The following EIF4G3 variants were observed in gnomAD, a reference collection of about 807,000 sequenced individuals.
EIF4G3 encodes eIF-4-gamma 3.
EIF4G3 carries 34 observed loss-of-function variants against 186.4 expected under a neutral mutation model. The ratio of observed to expected loss-of-function variants is 0.18; its 90% CI spans 0.14 to 0.24. EIF4G3 has a LOEUF of 0.24. Among genes scored for constraint, EIF4G3 ranks in the 10% least tolerant of loss-of-function variants. The probability of loss-of-function intolerance (pLI) is 1.00; values close to 1 mark genes in which losing one functional copy is unlikely to be tolerated. For missense variants in EIF4G3, 1,536 were observed against 1,948.5 expected (o/e 0.79, Z 3.99); for synonymous variants, 673 against 679.5 (o/e 0.99, Z 0.15).
intron 2 of EIF4G3, among the ~76,000 whole-genome samples, chr1:21,144,998 C>T (rs979066671): frequency 2.6e-5 from 4 of 152,012 alleles, no homozygotes; most frequent in Admixed American, 2.6e-4. Context: ...TGTTTCTTGG[C>T]CAGGCATGGT....
At chr1:20,975,088 T>A (rs1290749640) in intron 10 of EIF4G3, among the ~76,000 whole-genome samples, 1 of 152,056 alleles carries the variant, frequency 6.6e-6, no homozygotes, top group East Asian at 1.9e-4. Context: ...TGAATCAGAT[T>A]TGGAAAAGAT....
At chr1:20,945,483 T>C (rs2095898812) in intron 13 of EIF4G3, among the ~76,000 whole-genome samples, 1 of 152,216 alleles carries the variant, frequency 6.6e-6, no homozygotes, top group Non-Finnish European at 1.5e-5. Flanking sequence ...GTTCTGTTTC[T>C]GAGACACAGT....
chr1:20,893,475 G>T, intron 18 of EIF4G3, 42 bp downstream of exon 18: 1 of 1,549,134 alleles, frequency 6.5e-7, no homozygotes, highest in Non-Finnish European at 8.8e-7. Context: ...TGGAGTCTGT[G>T]CCAGTGTCTA....
intron 2 of EIF4G3, among the ~76,000 whole-genome samples, chr1:21,135,777 C>G (rs1318293970): frequency 1.3e-5 from 2 of 152,064 alleles, no homozygotes; most frequent in African/African-American, 4.8e-5. Context: ...CACCCGGGTC[C>G]CAGACATATA....
At position 20,810,665 on chromosome 1, in the gene EIF4G3, A is replaced by C; in HGVS notation, c.4744+73T>G. On this transcript the variant is annotated intron_variant, in intron 36 of 36. Transcript: ENST00000602326. The surrounding 1 kb of genome is among the most constrained non-coding windows in gnomAD (Gnocchi z 4.1). ...TTTATTGTCCTTTGTTCGAACCCTA[A>C]ATCATCTCTAAGTCCTGGCTTGGAT... 1.3e-6 allele frequency: 2 copies of C among 1,523,910 alleles called. No homozygotes were observed. Among genetic ancestry groups the C allele is most frequent in the Non-Finnish European group, 1.8e-6 (2 of 1,106,042 alleles). 94.4% of individuals were successfully genotyped at this position (1,523,910 alleles called of 1,614,324 possible). A position where few individuals can be genotyped will look rare whatever the true frequency, so the allele number is the denominator to read the frequency against.
At chr1:20,979,087 A>G (rs1340395169) in intron 10 of EIF4G3, among the ~76,000 whole-genome samples, 1 of 152,174 alleles carries the variant, frequency 6.6e-6, no homozygotes, top group Non-Finnish European at 1.5e-5. Flanking sequence ...CTGAATCTCA[A>G]AACTTAATTT....
At chr1:21,140,479 A>C (rs1009287798) in intron 2 of EIF4G3, among the ~76,000 whole-genome samples, 2 of 152,118 alleles carry the variant, frequency 1.3e-5, no homozygotes, top group Admixed American at 6.5e-5. Flanking sequence ...ATGCATGGCT[A>C]ATTTCTGTAT....
At chr1:20,877,992 C>T (rs561301292) in intron 20 of EIF4G3, among the ~76,000 whole-genome samples, 3 of 152,144 alleles carry the variant, frequency 2.0e-5, no homozygotes, top group South Asian at 2.1e-4. Flanking sequence ...TACAGGCGCA[C>T]GCTACCATGC....
chr1:21,035,688 T>C (rs1373408561), intron 4 of EIF4G3, among the ~76,000 whole-genome samples: 3 of 152,256 alleles, frequency 2.0e-5, no homozygotes, highest in African/African-American at 7.2e-5. Context: ...AGTTCAGCGA[T>C]AGCCTGTGGG....
intron 6 of EIF4G3, among the ~76,000 whole-genome samples, chr1:20,998,222 C>CAT (rs1461056515): frequency 2.6e-5 from 1 of 39,018 alleles, no homozygotes; most frequent in Admixed American, 3.5e-4. Flanking sequence ...TACACACACA[C>CAT]ACACACACAC....
intron 11 of EIF4G3, among the ~76,000 whole-genome samples, chr1:20,971,909 A>AG (rs2075968993): frequency 6.6e-6 from 1 of 152,330 alleles, no homozygotes; most frequent in East Asian, 1.9e-4. Context: ...CTGGGGTTAC[A>AG]GGTGTGAGCC....
intron 20 of EIF4G3, among the ~76,000 whole-genome samples, chr1:20,875,944 A>G (rs1013395873): frequency 2.6e-5 from 4 of 152,018 alleles, no homozygotes; most frequent in African/African-American, 9.7e-5. Flanking sequence ...GAAAGAGGCC[A>G]GGCATGGTGG....
In EIF4G3 at chr1:20,886,092, T is replaced by C. The variant is rs371716313; in HGVS notation, c.2424+109A>G. 4.8e-5 allele frequency: 62 copies of C among 1,304,026 alleles called. No homozygotes were observed. In the Middle Eastern group the frequency reaches 2.1e-3, roughly 45 times the overall value. The allele number at this position is 1,304,026 out of a possible 1,614,324, so 80.8% of individuals were successfully genotyped here. On this transcript the variant is annotated intron_variant, in intron 19 of 36. Transcript: ENST00000602326. ...AATAATTCTTTTAATAGGAAAATGT[T>C]ATAAAAAGTCTTAAACTGATTATCT...
chr1:21,118,271 T>C lies in EIF4G3; in HGVS notation c.-271-29058A>G, dbSNP rs544764046. ...CCTCCGTATTTCAGTATACAACACT[T>C]TGAAAATAGTAAACCCTCAGGGTGT... On this transcript the variant is annotated intron_variant, in intron 2 of 36. Transcript: ENST00000602326. Among the ~76,000 whole-genome samples, 25 of 152,302 alleles carry C rather than the reference T, an allele frequency of 1.6e-4. No individual in the cohort carries two copies. The South Asian group carries it at 5.0e-3, about 30-fold the overall frequency.
chr1:21,108,757 G>C (rs1368827294), intron 2 of EIF4G3, among the ~76,000 whole-genome samples: 1 of 151,994 alleles, frequency 6.6e-6, no homozygotes, highest in Non-Finnish European at 1.5e-5. Flanking sequence ...ACAAAAATTA[G>C]CTGGGTGTGG....
Position 21,159,365 on chromosome 1 carries a change from A to G in EIF4G3, c.-272+16810T>C, listed in dbSNP as rs576325204. Among the ~76,000 whole-genome samples the G allele has an allele frequency of 2.6e-5, 4 of 151,934 alleles. No homozygotes were observed. The South Asian group carries it at 8.3e-4, about 32-fold the overall frequency. On this transcript the variant is annotated intron_variant, in intron 2 of 36. Transcript: ENST00000602326. Reference sequence around the variant, plus strand: ...TAAAATGGGAGGATCCCTTGAGTCCAGGAGTTTGAGATTGCAGTGAGCTAT... The same window carrying G: ...TAAAATGGGAGGATCCCTTGAGTCCGGGAGTTTGAGATTGCAGTGAGCTAT...
intron 2 of EIF4G3, among the ~76,000 whole-genome samples, chr1:21,162,563 G>T (rs1450392140): frequency 6.6e-6 from 1 of 151,906 alleles, no homozygotes; most frequent in Non-Finnish European, 1.5e-5. Flanking sequence ...CCAACATGCC[G>T]AAACCCTGTC....
At position 20,982,351 on chromosome 1, in the gene EIF4G3, G is replaced by A. The variant is rs779587813; in HGVS notation, c.198+37C>T. 2.7e-6 allele frequency: 4 copies of A among 1,473,980 alleles called. No homozygotes were observed. The South Asian group carries it at 5.1e-5, about 19-fold the overall frequency. The allele number at this position is 1,473,980 out of a possible 1,614,324, so 91.3% of individuals were successfully genotyped here. Reference sequence around the variant, plus strand: ...CTCAATGTAATAATAAGCAGACTGAGTTATAAAGAGGCCATGCAGAACCAG... The same window carrying A: ...CTCAATGTAATAATAAGCAGACTGAATTATAAAGAGGCCATGCAGAACCAG... On this transcript the variant is annotated intron_variant, in intron 8 of 36. Coordinates refer to ENST00000602326, the MANE Select transcript of EIF4G3 (RefSeq NM_001391906.1).
intron 34 of EIF4G3, among the ~76,000 whole-genome samples, chr1:20,813,725 G>T: frequency 6.6e-6 from 1 of 151,670 alleles, no homozygotes; most frequent in Non-Finnish European, 1.5e-5. Context: ...AAATCAGCTG[G>T]GTATGGTGGC....
Sources: allele counts gnomAD v4.1 joint callset (sites outside exome capture counted in the v4.1 genomes callset), GRCh38; gene constraint gnomAD v4.1.1; non-coding constraint Gnocchi (gnomAD v3.1); transcripts MANE v1.5; gene names NCBI Gene and HGNC (gene_info 2026-07-23, HGNC 2026-07-21).